HSPA9: variants seen among roughly 807,000 people sequenced by gnomAD.
HSPA9 encodes heat shock protein family A (Hsp70) member 9, also known as stress-70 protein, mitochondrial.
Under a neutral mutation model 81.5 loss-of-function variants are expected in HSPA9, and 28 were observed. The ratio of observed to expected loss-of-function variants is 0.34; its 90% CI spans 0.25 to 0.47. The LOEUF is 0.47. Ranked by LOEUF, HSPA9 falls within the 20% of genes least tolerant of loss-of-function variation. HSPA9 has a pLI of 1.00. For missense variants in HSPA9, 678 were observed against 838.0 expected (o/e 0.81, Z 2.36); for synonymous variants, 293 against 290.4 (o/e 1.01, Z -0.09).
intron 4 of HSPA9, among the ~76,000 whole-genome samples, chr5:138,570,180 T>C (rs1750848057): frequency 1.3e-5 from 2 of 151,888 alleles, no homozygotes; most frequent in African/African-American, 4.8e-5. Context: ...TATGTCTATT[T>C]TAGAAAAAGG....
rs1304705921 is a variant in HSPA9, at chr5:138,567,558, T to C, written c.613A>G (p.Thr205Ala). The change falls in exon 7 of 17, where the codon ACT becomes GCT. Residue 205 changes from threonine (T) to alanine (A), a missense_variant. Physicochemically the swap from Thr to Ala is moderately conservative, Grantham distance 58 (BLOSUM62 0). This residue lies in a region of HSPA9 where 484 missense variants were observed against 647.5 expected (regional missense o/e 0.75). Coordinates refer to ENST00000297185, the MANE Select transcript of HSPA9 (RefSeq NM_004134.7). ...CCAGATATCTGGCCAGCATCTTTAGTGGCCTAGAGAAAACAAAGAGAAAAA... is the reference window on the plus strand; with the variant it reads ...CCAGATATCTGGCCAGCATCTTTAGCGGCCTAGAGAAAACAAAGAGAAAAA... ...AYFNDSQRQATKDAGQISGLN... is the reference protein window; with the variant it reads ...AYFNDSQRQAAKDAGQISGLN... 4.3e-6 allele frequency: 7 copies of C among 1,613,586 alleles called. No homozygotes were observed. In the Admixed American group the frequency reaches 5.0e-5, roughly 12 times the overall value.
chr5:138,571,084 C>G lies in HSPA9; in HGVS notation c.286G>C (p.Asp96His), dbSNP rs777051276. 6.2e-7 allele frequency: 1 copy of G among 1,614,192 alleles called. No homozygotes were observed. The highest frequency in any genetic ancestry group is 8.5e-7 in the Non-Finnish European group (1 of 1,180,040). Residue 96 changes from aspartate (D) to histidine (H), a missense_variant, in exon 4 of 17, where the codon GAT becomes CAT. Asp to His is a moderately conservative substitution (Grantham distance 81). This residue lies in a region of HSPA9 where 484 missense variants were observed against 647.5 expected (regional missense o/e 0.75). Coordinates refer to ENST00000297185, the MANE Select transcript of HSPA9 (RefSeq NM_004134.7). ...TTPSVVAFTA[D>H]GERLVGMPAK... ...GGCATTCCAACAAGTCGCTCACCAT[C>G]TGCTGTAAAGGCCACAACTGAAGGG...
chr5:138,557,817 C>T (rs1750560677), intron 13 of HSPA9, 52 bp downstream of exon 13: 1 of 1,111,494 alleles, frequency 9.0e-7, no homozygotes, highest in Admixed American at 1.7e-5. Context: ...AGGGTCTATT[C>T]CCAAGACCTC....
chr5:138,571,324 G>A (rs950855028), intron 3 of HSPA9, among the ~76,000 whole-genome samples, 183 bp from the exon 4 acceptor site: 1 of 152,054 alleles, frequency 6.6e-6, no homozygotes, highest in Non-Finnish European at 1.5e-5. Context: ...GGTACTATAG[G>A]CGTGCACCAC....
At chr5:138,560,439 A>G (rs256004) in intron 10 of HSPA9, among the ~76,000 whole-genome samples, 1 of 152,228 alleles carries the variant, frequency 6.6e-6, no homozygotes, top group Non-Finnish European at 1.5e-5. Flanking sequence ...ATTATCAACT[A>G]AAGACCAAAT....
intron 9 of HSPA9, among the ~76,000 whole-genome samples, chr5:138,562,297 C>A (rs1031846060): frequency 1.3e-5 from 2 of 150,048 alleles, no homozygotes; most frequent in Non-Finnish European, 3.0e-5. Context: ...CGCCTGTAAT[C>A]CCAGCACTTT....
chr5:138,565,049 C>G (rs1750734754), intron 9 of HSPA9, among the ~76,000 whole-genome samples: 2 of 152,168 alleles, frequency 1.3e-5, no homozygotes, highest in Non-Finnish European at 1.5e-5. Context: ...AGAATTTATT[C>G]TATAGATTTA....
At chr5:138,560,171 G>A (rs998810586) in intron 10 of HSPA9, 80 bp from the exon 11 acceptor site, 11 of 952,610 alleles carry the variant, frequency 1.2e-5, no homozygotes, top group African/African-American at 9.7e-5. Context: ...CGTGTCCTAC[G>A]CTCCCAGCCA....
chr5:138,566,842 T>C (rs1425241307), intron 8 of HSPA9, 124 bp from the exon 9 acceptor site: 3 of 1,120,938 alleles, frequency 2.7e-6, no homozygotes, highest in Non-Finnish European at 4.1e-6. Context: ...AATTACTTTT[T>C]ATTACCCTTA....
chr5:138,558,416 T>C (rs1750579526), intron 12 of HSPA9, 137 bp downstream of exon 12: 3 of 715,734 alleles, frequency 4.2e-6, no homozygotes, highest in South Asian at 1.5e-5. Flanking sequence ...CATGGGTATC[T>C]AGTTGCATCC....
intron 12 of HSPA9, 144 bp downstream of exon 12, chr5:138,558,409 G>A: frequency 2.8e-6 from 2 of 704,150 alleles, no homozygotes; most frequent in Non-Finnish European, 5.2e-6. Context: ...CTGATGCCAT[G>A]GGTATCTAGT....
intron 4 of HSPA9, 88 bp downstream of exon 4, chr5:138,570,872 T>C: frequency 8.9e-7 from 1 of 1,119,190 alleles, no homozygotes; most frequent in Non-Finnish European, 1.4e-6. Context: ...AGTAAGGTGC[T>C]CCAGGGATCC....
chr5:138,571,776 G>T lies in HSPA9; in HGVS notation c.229-635C>A, dbSNP rs989220455. On this transcript the variant is annotated intron_variant, in intron 3 of 16. Coordinates refer to ENST00000297185, the MANE Select transcript of HSPA9 (RefSeq NM_004134.7). Reference sequence around the variant, plus strand: ...TCCTACTTCAGCCTCCTGAGTAGCTGGGATTACAGGTGCCTGCCACCACAC... The same window carrying T: ...TCCTACTTCAGCCTCCTGAGTAGCTTGGATTACAGGTGCCTGCCACCACAC... Among the ~76,000 whole-genome samples the T allele has an allele frequency of 2.7e-5, 4 of 150,108 alleles. No homozygotes were observed. In the Admixed American group the frequency reaches 2.7e-4, roughly 10 times the overall value.
intron 9 of HSPA9, among the ~76,000 whole-genome samples, chr5:138,566,138 A>G (rs1359715595): frequency 6.6e-6 from 1 of 150,448 alleles, no homozygotes; most frequent in Admixed American, 6.6e-5. Flanking sequence ...CGGTGAGCCA[A>G]GATCACGCCA....
At position 138,557,964 on chromosome 5, in the gene HSPA9, C is replaced by G; in HGVS notation, c.1538G>C (p.Arg513Pro). Residue 513 changes from arginine (R) to proline (P), a missense_variant, in exon 13 of 17, where the codon CGT becomes CCT. Physicochemically the swap from Arg to Pro is moderately radical, Grantham distance 103 (BLOSUM62 -2). This residue lies in a region of HSPA9 where 484 missense variants were observed against 647.5 expected (regional missense o/e 0.75). Transcript: ENST00000297185. ...FTLIGIPPAP[R>P]GVPQIEVTFD... ...TGTAACTTCAATCTGAGGAACTCCA[C>G]GAGGGGCTGGTGGAATTCCAATCTA... The G allele has an allele frequency of 1.2e-6, 2 of 1,610,550 alleles. No individual in the cohort carries two copies. Among genetic ancestry groups the G allele is most frequent in the Non-Finnish European group, 1.7e-6 (2 of 1,177,820 alleles).
chr5:138,566,777 G>T, intron 8 of HSPA9, 59 bp from the exon 9 acceptor site: 2 of 1,331,424 alleles, frequency 1.5e-6, no homozygotes, highest in Non-Finnish European at 2.2e-6. Flanking sequence ...TAAATAAACT[G>T]CAGTAATAAG....
At chr5:138,560,143 G>T in intron 10 of HSPA9, 52 bp from the exon 11 acceptor site, 1 of 1,377,780 alleles carries the variant, frequency 7.3e-7, no homozygotes, top group Non-Finnish European at 1.0e-6. Context: ...AACTACCTGA[G>T]CAGAACAAAA....
chr5:138,571,074 C>A lies in HSPA9; in HGVS notation c.296G>T (p.Arg99Leu). 6.2e-7 allele frequency: 1 copy of A among 1,614,160 alleles called. No individual in the cohort carries two copies. Among genetic ancestry groups the A allele is most frequent in the Non-Finnish European group, 8.5e-7 (1 of 1,180,038 alleles). The change falls in exon 4 of 17, where the codon CGA (arginine) becomes CTA (leucine). Residue 99 changes from arginine to leucine, a missense_variant. Transcript: ENST00000297185. ...TCGCTTGGCCGGCATTCCAACAAGTCGCTCACCATCTGCTGTAAAGGCCAC... is the reference window on the plus strand; with the variant it reads ...TCGCTTGGCCGGCATTCCAACAAGTAGCTCACCATCTGCTGTAAAGGCCAC... ...SVVAFTADGE[R>L]LVGMPAKRQA...
chr5:138,561,918 AT>A, intron 9 of HSPA9, 129 bp from the exon 10 acceptor site: 1 of 757,272 alleles, frequency 1.3e-6, no homozygotes, highest in Non-Finnish European at 2.4e-6. Flanking sequence ...GTGAGATCTA[AT>A]TTAAATGAAT....
Sources: allele counts gnomAD v4.1 joint callset (sites outside exome capture counted in the v4.1 genomes callset), GRCh38; gene constraint gnomAD v4.1.1; regional missense constraint gnomAD v4.1.1; transcripts MANE v1.5; gene names NCBI Gene and HGNC (gene_info 2026-07-23, HGNC 2026-07-21).